MYH9: variants seen among roughly 807,000 people sequenced by gnomAD.
The protein encoded by MYH9 is myosin-9.
In MYH9, 29 loss-of-function variants were observed where a neutral mutation model predicts 241.9. The ratio of observed to expected loss-of-function variants is 0.12; its 90% CI spans 0.09 to 0.16. The LOEUF is 0.16. Among genes scored for constraint, MYH9 ranks in the 10% least tolerant of loss-of-function variants. The pLI is 1.00. For missense variants in MYH9, 1,803 were observed against 2,595.5 expected (o/e 0.69, Z 6.63); for synonymous variants, 1,047 against 1,062.6 (o/e 0.99, Z 0.29).
At chr22:36,386,997 G>C (rs2018362393) in intron 1 of MYH9, among the ~76,000 whole-genome samples, 2 of 152,254 alleles carry the variant, frequency 1.3e-5, no homozygotes, top group Admixed American at 1.3e-4. Flanking sequence ...GGGTGCGGTG[G>C]AATCAGGTGC....
chr22:36,341,583 A>G lies in MYH9; in HGVS notation c.334-57T>C. 4 of 1,594,184 alleles carry G rather than the reference A, an allele frequency of 2.5e-6. No individual in the cohort carries two copies. In the Admixed American group the frequency reaches 5.0e-5, roughly 20 times the overall value. On this transcript the variant is annotated intron_variant, in intron 2 of 40. Transcript: ENST00000216181. ...TAGGAAGTTTGATTCTCAGTAGTGTACAAACTTTGTAGCAAAATATCTGCG... is the reference window on the plus strand; with the variant it reads ...TAGGAAGTTTGATTCTCAGTAGTGTGCAAACTTTGTAGCAAAATATCTGCG...
At chr22:36,303,828 C>G (rs2016927079) in intron 19 of MYH9, among the ~76,000 whole-genome samples, 167 bp downstream of exon 19, 1 of 150,490 alleles carries the variant, frequency 6.6e-6, no homozygotes, top group Non-Finnish European at 1.5e-5. Context: ...CTGCCCGATT[C>G]TACTCCTCAA....
intron 13 of MYH9, among the ~76,000 whole-genome samples, chr22:36,313,803 A>T (rs1447241787): frequency 6.6e-6 from 1 of 152,130 alleles, no homozygotes; most frequent in Non-Finnish European, 1.5e-5. Flanking sequence ...TGTTTCTTTA[A>T]GACAAAGAAA....
At chr22:36,384,166 G>C (rs2018302386) in intron 1 of MYH9, among the ~76,000 whole-genome samples, 1 of 151,764 alleles carries the variant, frequency 6.6e-6, no homozygotes, top group South Asian at 2.1e-4. Flanking sequence ...AGCTACTCGG[G>C]AGACTGAGGC....
rs1311328061 is a variant in MYH9 at position 36,294,000 on chromosome 22, G to A, written c.3837+92C>T. 6.7e-7 allele frequency: 1 copy of A among 1,502,084 alleles called. No individual in the cohort carries two copies. The highest frequency in any genetic ancestry group is 1.4e-5 in the African/African-American group (1 of 72,870). The allele number at this position is 1,502,084 out of a possible 1,614,324, so 93.0% of individuals were successfully genotyped here. ...TCTGAGGAGCCAGTTTGAGAAGAGA[G>A]AGAGACAGAGAGCACACATGCACCT... On this transcript the variant is annotated intron_variant, in intron 28 of 40. Transcript: ENST00000216181. This position sits in a 1 kb window ranked among gnomAD's most constrained non-coding sequence, Gnocchi z 5.1.
chr22:36,373,341 A>T (rs1449674643), intron 1 of MYH9, among the ~76,000 whole-genome samples: 2 of 152,048 alleles, frequency 1.3e-5, no homozygotes, highest in African/African-American at 4.8e-5. Flanking sequence ...CCCTGTTGTC[A>T]TGGTCCCTTG....
chr22:36,367,070 C>T (rs1365826722), intron 1 of MYH9, among the ~76,000 whole-genome samples: 4 of 152,306 alleles, frequency 2.6e-5, no homozygotes, highest in South Asian at 2.1e-4. Context: ...CTCTGCAGTG[C>T]GGTCCATGGA....
At chr22:36,335,385 C>A (rs548570688) in intron 3 of MYH9, among the ~76,000 whole-genome samples, 9 of 152,232 alleles carry the variant, frequency 5.9e-5, no homozygotes, top group Admixed American at 5.9e-4. Flanking sequence ...CAGCAGACAG[C>A]GGTGCCTTTG....
intron 1 of MYH9, among the ~76,000 whole-genome samples, chr22:36,379,633 T>A (rs1382102125): frequency 6.6e-6 from 1 of 152,194 alleles, no homozygotes; most frequent in African/African-American, 2.4e-5. Context: ...CTCTGAGAAG[T>A]ACCAAGGAAG....
In MYH9 at chr22:36,295,161, C is replaced by T. The variant is rs2016769162; in HGVS notation, c.3486-85G>A. 2 of 1,590,624 alleles carry T rather than the reference C, an allele frequency of 1.3e-6. No individual in the cohort carries two copies. Among genetic ancestry groups the T allele is most frequent in the South Asian group, 1.1e-5 (1 of 90,504 alleles). On this transcript the variant is annotated intron_variant, in intron 26 of 40. Transcript: ENST00000216181. This position sits in a 1 kb window ranked among gnomAD's most constrained non-coding sequence, Gnocchi z 4.1. ...GGGCTCTTCCCTGACCAAAGAGAGG[C>T]CTGGCCAGGGCACAGGCACTCCAGG...
At position 36,320,933 on chromosome 22, in the gene MYH9, A is replaced by G; in HGVS notation, c.770-37T>C. 1 of 1,569,700 alleles carries G rather than the reference A, an allele frequency of 6.4e-7. No individual in the cohort carries two copies. Among genetic ancestry groups the G allele is most frequent in the Non-Finnish European group, 8.8e-7 (1 of 1,142,252 alleles). On this transcript the variant is annotated intron_variant, in intron 7 of 40. Transcript: ENST00000216181. This position sits in a 1 kb window ranked among gnomAD's most constrained non-coding sequence, Gnocchi z 4.8. ...TTAAGGAGCAACACAAGCTGGGGAG[A>G]AGGCAAGCCCTCCACTTTCCTCATT...
intron 14 of MYH9, among the ~76,000 whole-genome samples, chr22:36,309,697 A>T (rs1484860677): frequency 6.6e-6 from 1 of 152,208 alleles, no homozygotes. Context: ...CAGCTTTTTT[A>T]AAATTTTTAG....
At chr22:36,348,033 A>C (rs991599304) in intron 2 of MYH9, among the ~76,000 whole-genome samples, 10 of 148,026 alleles carry the variant, frequency 6.8e-5, no homozygotes, top group African/African-American at 2.2e-4. Flanking sequence ...AAAATATTTC[A>C]TTATTTTAAT....
At chr22:36,309,489 A>T in intron 14 of MYH9, 93 bp from the exon 15 acceptor site, 1 of 898,478 alleles carries the variant, frequency 1.1e-6, no homozygotes, top group Non-Finnish European at 1.9e-6. Flanking sequence ...CATGCATGGA[A>T]AAGTCAGAAA....
Position 36,293,232 on chromosome 22 carries a change from G to A in MYH9, c.4095+97C>T, listed in dbSNP as rs1000430589. ...CCCAGGGGGAGAGCAGCAATGGGCC[G>A]GCCCAGCGGGCAGGGCTGTCCTGCA... On this transcript the variant is annotated intron_variant, in intron 30 of 40. Transcript: ENST00000216181. The surrounding 1 kb of genome is among the most constrained non-coding windows in gnomAD (Gnocchi z 5.1). 8.6e-6 allele frequency: 13 copies of A among 1,516,772 alleles called. No individual in the cohort carries two copies. The highest frequency in any genetic ancestry group is 3.4e-5 in the South Asian group (3 of 87,906). The allele number at this position is 1,516,772 out of a possible 1,614,324, so 94.0% of individuals were successfully genotyped here.
chr22:36,300,258 C>T lies in MYH9; in HGVS notation c.2845G>A (p.Glu949Lys). Residue 949 changes from glutamate (E) to lysine (K), a missense_variant, in exon 23 of 41, where the codon GAG becomes AAG. Glu to Lys is a moderately conservative substitution (Grantham distance 56). Transcript: ENST00000216181. The surrounding 1 kb of genome is among the most constrained non-coding windows in gnomAD (Gnocchi z 5.0). ...KKMQQNIQELEEQLEEEESAR... is the reference protein window; with the variant it reads ...KKMQQNIQELKEQLEEEESAR... ...CTCTCCTCCTCCTCCAGCTGCTCCT[C>T]AAGCTCCTGCCGGGGGCCAGAGACA... 1.2e-6 allele frequency: 2 copies of T among 1,613,126 alleles called. No homozygotes were observed. Among genetic ancestry groups the T allele is most frequent in the Non-Finnish European group, 1.7e-6 (2 of 1,180,044 alleles).
At position 36,293,901 on chromosome 22, in the gene MYH9, AC is replaced by A. The variant is rs2016746972; in HGVS notation, c.3838-39del. Reference sequence around the variant, plus strand: ...GGGAGACACAAAGGACCATGGACCCACCCCCACTGCTCCTGCCCCACCTCAT... The same window carrying A: ...GGGAGACACAAAGGACCATGGACCCACCCCACTGCTCCTGCCCCACCTCAT... On this transcript the variant is annotated intron_variant, in intron 28 of 40. Transcript: ENST00000216181. This position sits in a 1 kb window ranked among gnomAD's most constrained non-coding sequence, Gnocchi z 5.1. 1.3e-6 allele frequency: 2 copies of A among 1,569,750 alleles called. No homozygotes were observed. The highest frequency in any genetic ancestry group is 1.7e-6 in the Non-Finnish European group (2 of 1,147,722).
chr22:36,290,839 A>AC, intron 31 of MYH9, among the ~76,000 whole-genome samples: 1 of 144,908 alleles, frequency 6.9e-6, no homozygotes, highest in Non-Finnish European at 1.5e-5. Flanking sequence ...CCCAGTGGCG[A>AC]CCCCGTCTGG....
At position 36,309,354 on chromosome 22, in the gene MYH9, G is replaced by T; in HGVS notation, c.1771C>A (p.Pro591Thr). ...ADEWLMKNMDPLNDNIATLLH... is the reference protein window; with the variant it reads ...ADEWLMKNMDTLNDNIATLLH... ...AGTGTGGCGATGTTGTCATTCAGGG[G>T]ATCCATGTTCTTCATCAGCCACTCG... The change falls in exon 15 of 41, where the codon CCC becomes ACC. Residue 591 changes from proline (P) to threonine (T), a missense_variant. By Grantham distance (38) the Pro-to-Thr change is conservative. Coordinates refer to ENST00000216181, the MANE Select transcript of MYH9 (RefSeq NM_002473.6). 6.2e-7 allele frequency: 1 copy of T among 1,614,196 alleles called. No individual in the cohort carries two copies. Among genetic ancestry groups the T allele is most frequent in the Non-Finnish European group, 8.5e-7 (1 of 1,180,038 alleles).
Sources: gnomAD v4.1 joint callset for allele counts (sites outside exome capture counted in the v4.1 genomes callset) on GRCh38, gnomAD v4.1.1 for gene constraint, Gnocchi (gnomAD v3.1) non-coding constraint, MANE v1.5 for transcripts, NCBI Gene and HGNC (gene_info 2026-07-23, HGNC 2026-07-21) for gene names.